PCTP: variants seen among roughly 807,000 people sequenced by gnomAD.
PCTP encodes START domain-containing protein 2.
In PCTP, 27 loss-of-function variants were observed where a neutral mutation model predicts 31.0. That is an observed-to-expected ratio of 0.87 (90% CI 0.64 to 1.20). The LOEUF (loss-of-function observed/expected upper bound fraction) is 1.20. Among genes scored for constraint, PCTP ranks in the 50% most tolerant of loss-of-function variants. PCTP has a pLI of 0.00. For synonymous variants in PCTP, 108 were observed against 101.2 expected, an observed-to-expected ratio of 1.07 and a Z score of -0.40; for missense variants, 287 against 268.2, an observed-to-expected ratio of 1.07 and a Z score of -0.49.
At chr17:55,839,113 A>ATGTCATTGTTTT (rs1905873554) in intron 5 of PCTP, among the ~76,000 whole-genome samples, 1 of 152,214 alleles carries the variant, frequency 6.6e-6, no homozygotes, top group Non-Finnish European at 1.5e-5. Context: ...TTTTTCTATT[A>ATGTCATTGTTTT]TCATATGTCA....
At chr17:55,812,831 G>A (rs1188901622) in intron 3 of PCTP, among the ~76,000 whole-genome samples, 1 of 152,192 alleles carries the variant, frequency 6.6e-6, no homozygotes, top group Non-Finnish European at 1.5e-5. Flanking sequence ...CCAAGGCTTT[G>A]GGAATTCACA....
chr17:55,754,965 T>A (rs1597969240), intron 1 of PCTP, among the ~76,000 whole-genome samples: 1 of 152,328 alleles, frequency 6.6e-6, no homozygotes, highest in Admixed American at 6.5e-5. Context: ...TATATTTATA[T>A]ACACACATAT....
chr17:55,765,276 G>A (rs770470082), intron 1 of PCTP, among the ~76,000 whole-genome samples: 1 of 152,150 alleles, frequency 6.6e-6, no homozygotes, highest in Non-Finnish European at 1.5e-5. Flanking sequence ...AGCTGCCTAT[G>A]TGACACCCTT....
intron 3 of PCTP, among the ~76,000 whole-genome samples, chr17:55,792,140 A>C (rs1317053604): frequency 8.3e-6 from 1 of 119,938 alleles, no homozygotes; most frequent in Non-Finnish European, 1.6e-5. Flanking sequence ...GGAACCTCAC[A>C]CTCTGGGGAC....
chr17:55,781,013 TAAAA>T (rs35519775), downstream of PCTP, among the ~76,000 whole-genome samples: 2 of 131,034 alleles, frequency 1.5e-5, no homozygotes, highest in African/African-American at 2.8e-5. Flanking sequence ...CCACAGCATG[TAAAA>T]AAAAAAAAAA....
chr17:55,845,833 A>G (rs1404944964), downstream of PCTP, among the ~76,000 whole-genome samples: 13 of 151,306 alleles, frequency 8.6e-5, no homozygotes, highest in African/African-American at 3.2e-4. Context: ...CCACTTTTGG[A>G]TCAACAGCTT....
chr17:55,850,081 C>A, the PCTP span, among the ~76,000 whole-genome samples: 8 of 152,188 alleles, frequency 5.3e-5, no homozygotes, highest in African/African-American at 1.9e-4. Flanking sequence ...CTAAATTATA[C>A]TCATTTTTAT....
chr17:55,777,579 A>G (rs1911401490), downstream of PCTP, among the ~76,000 whole-genome samples: 2 of 152,240 alleles, frequency 1.3e-5, no homozygotes, highest in African/African-American at 2.4e-5. Context: ...TAGAATTCAG[A>G]TCGTTTAGTA....
chr17:55,815,509 A>T (rs1912887989), intron 3 of PCTP, among the ~76,000 whole-genome samples: 1 of 152,170 alleles, frequency 6.6e-6, no homozygotes, highest in Non-Finnish European at 1.5e-5. Context: ...CCACAGGGCT[A>T]ATTGTTGCTT....
chr17:55,809,141 A>C (rs1174547607), intron 3 of PCTP, among the ~76,000 whole-genome samples: 1 of 152,226 alleles, frequency 6.6e-6, no homozygotes, highest in Non-Finnish European at 1.5e-5. Flanking sequence ...CAAATGATAT[A>C]ATAAAATTCT....
At chr17:55,770,722 T>TG (rs1466108842) in intron 2 of PCTP, 1 of 158,716 alleles carries the variant, frequency 6.3e-6, no homozygotes, top group East Asian at 1.8e-4. Context: ...ATCTTTTTTT[T>TG]TTTTTTTCTT....
At chr17:55,798,991 GT>G (rs1336754142) in intron 3 of PCTP, among the ~76,000 whole-genome samples, 1 of 151,640 alleles carries the variant, frequency 6.6e-6, no homozygotes, top group Non-Finnish European at 1.5e-5. Flanking sequence ...ATATATTTAT[GT>G]TAAATATTAA....
chr17:55,797,262 G>A (rs1038613280), intron 3 of PCTP, among the ~76,000 whole-genome samples: 4 of 151,970 alleles, frequency 2.6e-5, no homozygotes, highest in African/African-American at 9.7e-5. Context: ...TAAAGTTTGG[G>A]AGATTTACAA....
intron 2 of PCTP, among the ~76,000 whole-genome samples, chr17:55,787,232 G>T: frequency 6.6e-6 from 1 of 150,768 alleles, no homozygotes; most frequent in East Asian, 2.0e-4. Flanking sequence ...GCTTGTTTCT[G>T]GACCACAAAA....
intron 1 of PCTP, among the ~76,000 whole-genome samples, chr17:55,762,230 A>G (rs1314969489): frequency 6.6e-6 from 1 of 152,180 alleles, no homozygotes; most frequent in Non-Finnish European, 1.5e-5. Flanking sequence ...GCCTGGAGGA[A>G]GGAGAAAAGT....
At position 55,814,824 on chromosome 17, in the gene PCTP, A is replaced by T. The variant is rs145661086; in HGVS notation, c.318-7937A>T. 3.3e-3 allele frequency among the ~76,000 whole-genome samples: 510 copies of T among 152,318 alleles called. 17 individuals carry two copies. Among genetic ancestry groups the T allele is most frequent in the Admixed American group, 0.029 (444 of 15,298 alleles). The stretch of plus-strand genomic sequence containing the variant: ...CTTCAAAGTACTCCTGTGTGGAACT[A>T]GCAGAACTGTCATCCAGGGGACAGG... On this transcript the variant is annotated intron_variant, in intron 3 of 3. Transcript: ENST00000572536.
chr17:55,775,202 G>C (rs1911262129), intron 5 of PCTP: 1 of 1,264,816 alleles, frequency 7.9e-7, no homozygotes, highest in South Asian at 3.2e-5. Context: ...GCTTACTGGG[G>C]AATAAGACAG....
chr17:55,826,022 A>T (rs2037779726), downstream of PCTP, among the ~76,000 whole-genome samples: 1 of 152,210 alleles, frequency 6.6e-6, no homozygotes, highest in Admixed American at 6.5e-5. Flanking sequence ...AGTGTGAAAG[A>T]TGAGAAAATC....
At chr17:55,767,188 A>G in intron 1 of PCTP, 147 bp from the exon 2 acceptor site, 1 of 422,570 alleles carries the variant, frequency 2.4e-6, no homozygotes. Flanking sequence ...GTAGGTTGTG[A>G]AAATTTTCTC....
Sources: allele counts gnomAD v4.1 joint callset (sites outside exome capture counted in the v4.1 genomes callset), GRCh38; gene constraint gnomAD v4.1.1; transcripts MANE v1.5; gene names NCBI Gene and HGNC (gene_info 2026-07-23, HGNC 2026-07-21).